Variants in ATP8B4 observed in about 807,000 individuals in gnomAD.
The protein encoded by ATP8B4 is probable phospholipid-transporting ATPase IM.
In ATP8B4, 133 loss-of-function variants were observed where a neutral mutation model predicts 145.6. The observed-to-expected ratio is 0.91, with a 90% confidence interval of 0.79 to 1.05. ATP8B4 has a LOEUF of 1.05. Among genes scored for constraint, ATP8B4 ranks in the 50% least tolerant of loss-of-function variants. The probability of loss-of-function intolerance (pLI) is 0.00; values close to 1 mark genes in which losing one functional copy is unlikely to be tolerated. For synonymous variants in ATP8B4, 507 were observed against 492.9 expected (o/e 1.03, Z -0.38); for missense variants, 1,458 against 1,425.2 (o/e 1.02, Z -0.37).
At chr15:49,887,861 G>A (rs1480249097) in intron 23 of ATP8B4, among the ~76,000 whole-genome samples, 1 of 152,154 alleles carries the variant, frequency 6.6e-6, no homozygotes, top group East Asian at 1.9e-4. Flanking sequence ...TTTATAGAAT[G>A]ACACATTTAA....
At chr15:49,882,635 G>A (rs1169793610) in intron 23 of ATP8B4, among the ~76,000 whole-genome samples, 1 of 152,154 alleles carries the variant, frequency 6.6e-6, no homozygotes, top group Non-Finnish European at 1.5e-5. Context: ...CAGATGCAAA[G>A]GCATAATTGC....
intron 18 of ATP8B4, among the ~76,000 whole-genome samples, chr15:49,919,695 G>A (rs1384806173): frequency 6.6e-6 from 1 of 152,162 alleles, no homozygotes; most frequent in Non-Finnish European, 1.5e-5. Flanking sequence ...GGGATTACAG[G>A]TGTGAGCCAC....
chr15:49,977,703 T>C (rs2045793965), intron 12 of ATP8B4, among the ~76,000 whole-genome samples: 1 of 152,108 alleles, frequency 6.6e-6, no homozygotes, highest in Admixed American at 6.6e-5. Context: ...TTATAGAACA[T>C]CAGTAATTTT....
At chr15:50,025,196 A>G (rs1293883552) in intron 6 of ATP8B4, among the ~76,000 whole-genome samples, 1 of 152,220 alleles carries the variant, frequency 6.6e-6, no homozygotes, top group African/African-American at 2.4e-5. Flanking sequence ...AGCAATAGGC[A>G]ATTAGCCTCT....
chr15:50,001,171 T>C (rs569558397), intron 8 of ATP8B4, among the ~76,000 whole-genome samples: 3 of 152,278 alleles, frequency 2.0e-5, no homozygotes, highest in South Asian at 4.1e-4. Context: ...AGTCTATTTA[T>C]TTCTGCTCTT....
chr15:49,942,175 C>T (rs1051433116), intron 14 of ATP8B4, among the ~76,000 whole-genome samples: 2 of 151,826 alleles, frequency 1.3e-5, no homozygotes, highest in Admixed American at 6.6e-5. Context: ...CCACTTGTAC[C>T]CCAAATGCTA....
intron 21 of ATP8B4, among the ~76,000 whole-genome samples, chr15:49,899,005 C>A (rs576752223): frequency 3.5e-4 from 54 of 152,182 alleles, no homozygotes; most frequent in African/African-American, 1.3e-3. Context: ...TAAGAGGAAA[C>A]AAATCCACTT....
chr15:49,882,905 T>C (rs1296955684), intron 23 of ATP8B4, among the ~76,000 whole-genome samples: 1 of 152,210 alleles, frequency 6.6e-6, no homozygotes, highest in Non-Finnish European at 1.5e-5. Flanking sequence ...TACTTTTTAA[T>C]ATATTTGTTA....
intron 9 of ATP8B4, among the ~76,000 whole-genome samples, chr15:49,990,418 GA>G (rs140804679): frequency 0.032 from 4,804 of 152,182 alleles, 260 homozygotes; most frequent in African/African-American, 0.11. Context: ...AAAGCTGGAA[GA>G]AAATCACGTC....
At chr15:50,158,698 T>C (rs1299842291) in intron 1 of ATP8B4, among the ~76,000 whole-genome samples, 1 of 152,226 alleles carries the variant, frequency 6.6e-6, no homozygotes, top group African/African-American at 2.4e-5. Flanking sequence ...AGAAATCGGA[T>C]GGTTGCTGTG....
At chr15:50,033,082 C>G (rs2050572383) in intron 6 of ATP8B4, among the ~76,000 whole-genome samples, 1 of 152,174 alleles carries the variant, frequency 6.6e-6, no homozygotes. Context: ...GGTAATTATG[C>G]AGCATCTAGA....
At chr15:50,000,997 T>A (rs1285387001) in intron 8 of ATP8B4, among the ~76,000 whole-genome samples, 1 of 152,088 alleles carries the variant, frequency 6.6e-6, no homozygotes, top group Non-Finnish European at 1.5e-5. Flanking sequence ...CTTTATAATG[T>A]CTTCAGGATC....
Position 50,029,363 on chromosome 15 carries a change from T to A in ATP8B4, c.362+9405A>T, listed in dbSNP as rs2050268007. 2.6e-5 allele frequency among the ~76,000 whole-genome samples: 4 copies of A among 151,746 alleles called. No individual in the cohort carries two copies. The South Asian group carries it at 8.3e-4, about 32-fold the overall frequency. On this transcript the variant is annotated intron_variant, in intron 6 of 27. Transcript: ENST00000284509. ...ACCCTCTGGAGACTCTAAGGGAGAA[T>A]CTGTTCCAGGCTTCTCTCCTAGCTT...
intron 6 of ATP8B4, among the ~76,000 whole-genome samples, chr15:50,030,546 A>G (rs12437905): frequency 0.18 from 27,330 of 152,082 alleles, 3,555 homozygotes; most frequent in East Asian, 0.6. Flanking sequence ...AAAACTGAGG[A>G]GAACTTTGGT....
chr15:50,099,406 A>G (rs760355703), intron 2 of ATP8B4, among the ~76,000 whole-genome samples: 3 of 152,082 alleles, frequency 2.0e-5, no homozygotes, highest in Non-Finnish European at 4.4e-5. Context: ...CAGTCCCCCA[A>G]GGAGCTGGAA....
At chr15:50,160,171 A>G (rs1314095158) in intron 1 of ATP8B4, among the ~76,000 whole-genome samples, 1 of 151,734 alleles carries the variant, frequency 6.6e-6, no homozygotes, top group Non-Finnish European at 1.5e-5. Flanking sequence ...TAGGTTTTCC[A>G]ATTTATTGGC....
chr15:50,112,400 C>T (rs371832338), intron 1 of ATP8B4, among the ~76,000 whole-genome samples: 41 of 152,140 alleles, frequency 2.7e-4, no homozygotes, highest in South Asian at 1.7e-3. Flanking sequence ...TGTGGGTGCT[C>T]TCCAGTTCTC....
intron 23 of ATP8B4, among the ~76,000 whole-genome samples, chr15:49,881,572 C>A (rs2035425876): frequency 6.6e-6 from 1 of 152,010 alleles, no homozygotes; most frequent in African/African-American, 2.4e-5. Context: ...CATGAGAGAA[C>A]CTGCAGCAGC....
chr15:50,156,127 T>TAAATATAA (rs2044414146), intron 1 of ATP8B4, among the ~76,000 whole-genome samples: 4 of 13,304 alleles, frequency 3.0e-4, no homozygotes, highest in Admixed American at 1.8e-3. Context: ...TAAATATATT[T>TAAATATAA]ATATATATAT....
Sources: allele counts gnomAD v4.1 joint callset (sites outside exome capture counted in the v4.1 genomes callset), GRCh38; gene constraint gnomAD v4.1.1; transcripts MANE v1.5; gene names NCBI Gene and HGNC (gene_info 2026-07-23, HGNC 2026-07-21).